BLM: variants seen among roughly 807,000 people sequenced by gnomAD.
BLM encodes the protein recQ-like DNA helicase BLM.
A neutral mutation model predicts 135.3 loss-of-function variants in BLM; 95 were observed. The observed-to-expected ratio is 0.70, with a 90% CI of 0.59 to 0.83. BLM has a LOEUF of 0.83. Among genes scored for constraint, BLM ranks in the 40% least tolerant of loss-of-function variants. The pLI is 0.00. For synonymous variants in BLM, 520 were observed against 589.2 expected (o/e 0.88, Z 1.70); for missense variants, 1,518 against 1,663.9 (o/e 0.91, Z 1.53).
Position 90,804,292 on chromosome 15 carries a change from T to C in BLM, c.3684T>C (p.Ser1228=), listed in dbSNP as rs1367872205. Residue 1228 remains serine, a synonymous_variant, in exon 19 of 22, where the codon TCT becomes TCC. Coordinates refer to ENST00000355112, the MANE Select transcript of BLM (RefSeq NM_000057.4). The part of the protein sequence containing the change: ...CLGELTEVCK[S]LGKVFGVHYF... ...GAGAACTTACAGAAGTCTGCAAATCTCTGGGGAAAGTTTTTGGTGTCCATT... is the reference window on the plus strand; with the variant it reads ...GAGAACTTACAGAAGTCTGCAAATCCCTGGGGAAAGTTTTTGGTGTCCATT... 6.2e-7 allele frequency: 1 copy of C among 1,614,082 alleles called. No homozygotes were observed. Among genetic ancestry groups the C allele is most frequent in the Non-Finnish European group, 8.5e-7 (1 of 1,180,024 alleles).
chr15:90,785,036 C>T lies in BLM; in HGVS notation c.2778C>T (p.Ala926=). ...ACCATGCTGGCCTCAGTGATTCTGC[C>T]AGAGATGAAGTGCAGCAGAAGTGGA... The part of the protein sequence containing the change: ...LAYHAGLSDS[A]RDEVQQKWIN... The change falls in exon 14 of 22, where the codon GCC becomes GCT. Residue 926 remains alanine, a synonymous_variant. Coordinates refer to ENST00000355112, the MANE Select transcript of BLM (RefSeq NM_000057.4). 6.2e-7 allele frequency: 1 copy of T among 1,614,090 alleles called. No homozygotes were observed. The highest frequency in any genetic ancestry group is 8.5e-7 in the Non-Finnish European group (1 of 1,180,022).
intron 12 of BLM, among the ~76,000 whole-genome samples, chr15:90,778,889 C>CTT (rs60733714): frequency 3.7e-5 from 5 of 135,084 alleles, no homozygotes; most frequent in South Asian, 2.3e-4. Context: ...TTAACCCTTT[C>CTT]TTTTTTTTTT....
chr15:90,757,628 C>A (rs1273112456), intron 5 of BLM, among the ~76,000 whole-genome samples: 1 of 152,172 alleles, frequency 6.6e-6, no homozygotes, highest in Non-Finnish European at 1.5e-5. Context: ...ACCCTGCCAT[C>A]TTCACTCCCT....
chr15:90,730,212 GC>G (rs1048951121), intron 1 of BLM, among the ~76,000 whole-genome samples: 3 of 152,066 alleles, frequency 2.0e-5, no homozygotes, highest in Admixed American at 2.0e-4. Flanking sequence ...CAAAATTATA[GC>G]CTTTGTGAAT....
At chr15:90,784,626 G>A (rs1046548760) in intron 13 of BLM, among the ~76,000 whole-genome samples, 5 of 151,350 alleles carry the variant, frequency 3.3e-5, no homozygotes, top group African/African-American at 7.3e-5. Context: ...ATGAGCCACC[G>A]CGCCCGGCCA....
At chr15:90,769,289 T>C (rs1470986152) in intron 11 of BLM, 58 bp downstream of exon 11, 3 of 1,541,098 alleles carry the variant, frequency 1.9e-6, no homozygotes, top group East Asian at 4.5e-5. Flanking sequence ...CAACAATATA[T>C]GTATTTACTG....
chr15:90,734,291 T>TC (rs1322397520), intron 1 of BLM, among the ~76,000 whole-genome samples: 2 of 151,804 alleles, frequency 1.3e-5, no homozygotes, highest in African/African-American at 4.8e-5. Flanking sequence ...AATCAATACT[T>TC]CTTTTTTTTT....
chr15:90,803,482 G>A (rs375469467), intron 17 of BLM, 39 bp from the exon 18 acceptor site: 92 of 1,570,910 alleles, frequency 5.9e-5, no homozygotes, highest in Non-Finnish European at 7.5e-5. Flanking sequence ...GATGATATAC[G>A]TACATTTACT....
intron 10 of BLM, among the ~76,000 whole-genome samples, chr15:90,767,838 T>C (rs1194097486): frequency 1.3e-5 from 2 of 152,236 alleles, no homozygotes; most frequent in African/African-American, 4.8e-5. Context: ...TTAGTATCCA[T>C]TGATGATTCT....
intron 18 of BLM, 45 bp from the exon 19 acceptor site, chr15:90,804,122 A>G (rs756917280): frequency 1.3e-6 from 2 of 1,487,360 alleles, no homozygotes; most frequent in South Asian, 2.3e-5. Context: ...TATGGGTACA[A>G]GTGCACATAT....
intron 12 of BLM, among the ~76,000 whole-genome samples, chr15:90,773,095 CAAAAA>C (rs780966709): frequency 4.6e-5 from 2 of 43,474 alleles, no homozygotes; most frequent in Non-Finnish European, 8.3e-5. Flanking sequence ...GAGACTGTCT[CAAAAA>C]AAAAAAAAAA....
chr15:90,796,258 A>G (rs551764829), intron 16 of BLM, among the ~76,000 whole-genome samples: 1 of 152,220 alleles, frequency 6.6e-6, no homozygotes, highest in African/African-American at 2.4e-5. Flanking sequence ...ATTAAGATTC[A>G]AAAATTCTGA....
chr15:90,723,628 G>T (rs112865484), intron 1 of BLM, among the ~76,000 whole-genome samples: 1,810 of 152,248 alleles, frequency 0.012, 40 homozygotes, highest in African/African-American at 0.041. Context: ...GCTCTAGCCT[G>T]AGTGACAGAG....
chr15:90,720,083 A>C (rs1362492035), intron 1 of BLM, among the ~76,000 whole-genome samples: 1 of 152,056 alleles, frequency 6.6e-6, no homozygotes, highest in Admixed American at 6.6e-5. Flanking sequence ...TTTTTCCTTA[A>C]TCTGGGAAGC....
intron 12 of BLM, 85 bp downstream of exon 12, chr15:90,769,671 T>A: frequency 7.3e-7 from 1 of 1,377,354 alleles, no homozygotes; most frequent in Non-Finnish European, 1.0e-6. Context: ...TGTGGCGCTT[T>A]AACGCCACCA....
At position 90,718,745 on chromosome 15, in the gene BLM, G is replaced by A. The variant is rs190604783; in HGVS notation, c.-5+1305G>A. The stretch of plus-strand genomic sequence containing the variant: ...ACAGTCCTATCAGTAACCTGGAGAA[G>A]TAGTTATTTCCTTCGTTTTACTGAG... On this transcript the variant is annotated intron_variant, in intron 1 of 21. Coordinates refer to ENST00000355112, the MANE Select transcript of BLM (RefSeq NM_000057.4). Among the ~76,000 whole-genome samples, 295 of 152,220 alleles carry A rather than the reference G, an allele frequency of 1.9e-3. 1 individual carries two copies. The highest frequency in any genetic ancestry group is 6.9e-3 in the African/African-American group (286 of 41,526).
intron 17 of BLM, among the ~76,000 whole-genome samples, chr15:90,801,786 TG>T (rs1459404502): frequency 2.6e-5 from 4 of 152,200 alleles, no homozygotes; most frequent in Admixed American, 2.0e-4. Flanking sequence ...CTGGGTACAG[TG>T]GCCCATGTCT....
chr15:90,792,790 C>T (rs1215783778), intron 15 of BLM, among the ~76,000 whole-genome samples: 1 of 152,026 alleles, frequency 6.6e-6, no homozygotes, highest in Non-Finnish European at 1.5e-5. Flanking sequence ...AAATGAAATG[C>T]AGAACTAGTA....
intron 14 of BLM, among the ~76,000 whole-genome samples, chr15:90,787,811 G>A (rs1011041661): frequency 2.0e-5 from 3 of 152,070 alleles, no homozygotes; most frequent in Non-Finnish European, 2.9e-5. Flanking sequence ...TTAGCCGGAC[G>A]TGGTGATGGG....
Sources: allele counts gnomAD v4.1 joint callset (sites outside exome capture counted in the v4.1 genomes callset), GRCh38; gene constraint gnomAD v4.1.1; transcripts MANE v1.5; gene names NCBI Gene and HGNC (gene_info 2026-07-23, HGNC 2026-07-21).